The following CCDC172 variants were observed in gnomAD, a reference collection of about 807,000 sequenced individuals.
CCDC172 encodes the protein coiled-coil domain-containing protein 172.
Under a neutral mutation model 38.0 loss-of-function variants are expected in CCDC172, and 30 were observed. The ratio of observed to expected loss-of-function variants is 0.79; its 90% CI spans 0.59 to 1.07. The LOEUF (loss-of-function observed/expected upper bound fraction) is 1.07. Ranked by LOEUF, CCDC172 falls within the 50% of genes least tolerant of loss-of-function variation. The pLI is 0.00. For missense variants in CCDC172, 297 were observed against 290.1 expected, an observed-to-expected ratio of 1.02 and a Z score of -0.17; for synonymous variants, 78 against 88.3, an observed-to-expected ratio of 0.88 and a Z score of 0.66.
intron 5 of CCDC172, among the ~76,000 whole-genome samples, chr10:116,344,251 TAGTC>T (rs1042359264): frequency 9.2e-5 from 14 of 152,184 alleles, no homozygotes; most frequent in South Asian, 2.1e-4. Context: ...AATGCATTCT[TAGTC>T]AGTATCATCG....
chr10:116,353,736 T>G (rs1370076927), intron 5 of CCDC172, among the ~76,000 whole-genome samples: 2 of 152,130 alleles, frequency 1.3e-5, no homozygotes, highest in Non-Finnish European at 2.9e-5. Flanking sequence ...AAAAAAATAT[T>G]TTTATACAAA....
At chr10:116,378,610 C>A in intron 8 of CCDC172, 100 bp downstream of exon 8, 1 of 841,630 alleles carries the variant, frequency 1.2e-6, no homozygotes, top group Non-Finnish European at 1.9e-6. Context: ...AGTGTTTAAT[C>A]CCTCTGCAAA....
rs41386650 is a variant in CCDC172, at chr10:116,324,956, A to G, written c.-56A>G. 0.084 allele frequency: 114,748 copies of G among 1,366,844 alleles called. 6,500 individuals are homozygous for G. The highest frequency in any genetic ancestry group is 0.23 in the East Asian group (10,210 of 43,664). The allele number at this position is 1,366,844 out of a possible 1,614,324, so 84.7% of individuals were successfully genotyped here. A position where few individuals can be genotyped will look rare whatever the true frequency, so the allele number is the denominator to read the frequency against. ...TTATTCTGCTTTCCAGGATCCTCAG[A>G]GTTGGTTATAAAATATTTAAGGGCG... On this transcript the variant is annotated 5_prime_UTR_variant, in exon 2 of 9. Coordinates refer to ENST00000333254, the MANE Select transcript of CCDC172 (RefSeq NM_198515.3).
chr10:116,325,400 T>G lies in CCDC172; in HGVS notation c.165+12T>G, dbSNP rs1421102579. On this transcript the variant is annotated intron_variant, in intron 3 of 8. Transcript: ENST00000333254. ...AGCTGGAATCTAAGGTATTGAAATG[T>G]AAAGCATACTAATTATCACTTGAAA... The G allele has an allele frequency of 6.3e-7, 1 of 1,596,334 alleles. No individual in the cohort carries two copies. Among genetic ancestry groups the G allele is most frequent in the South Asian group, 1.1e-5 (1 of 89,728 alleles).
chr10:116,372,953 A>G (rs1382710241), intron 7 of CCDC172, among the ~76,000 whole-genome samples: 3 of 152,226 alleles, frequency 2.0e-5, no homozygotes, highest in Non-Finnish European at 2.9e-5. Flanking sequence ...ATGGAGGCAA[A>G]TACAGATATT....
chr10:116,325,075 C>T lies in CCDC172; in HGVS notation c.64C>T (p.Arg22Cys). Reference protein sequence around the residue: ...FTEHQAEESRRLMREVRSEIT... With the variant: ...FTEHQAEESRCLMREVRSEIT... Reference sequence around the variant, plus strand: ...CGAGCATCAGGCGGAGGAGAGTCGCCGTTTGATGCGAGAAGGTCGGGGTAT... The same window carrying T: ...CGAGCATCAGGCGGAGGAGAGTCGCTGTTTGATGCGAGAAGGTCGGGGTAT... Residue 22 changes from arginine to cysteine, a missense_variant, in exon 2 of 9, where the codon CGT becomes TGT. Arg to Cys is a radical substitution (Grantham distance 180). Coordinates refer to ENST00000333254, the MANE Select transcript of CCDC172 (RefSeq NM_198515.3). 6.2e-7 allele frequency: 1 copy of T among 1,613,930 alleles called. No homozygotes were observed. Among genetic ancestry groups the T allele is most frequent in the Non-Finnish European group, 8.5e-7 (1 of 1,179,992 alleles).
intron 5 of CCDC172, among the ~76,000 whole-genome samples, chr10:116,352,376 C>G (rs769413064): frequency 9.2e-5 from 14 of 151,994 alleles, no homozygotes; most frequent in Non-Finnish European, 1.9e-4. Flanking sequence ...AATTACAACT[C>G]AGAGCAAGGA....
At chr10:116,376,435 T>C (rs1845246310) in intron 7 of CCDC172, among the ~76,000 whole-genome samples, 1 of 152,196 alleles carries the variant, frequency 6.6e-6, no homozygotes, top group Admixed American at 6.6e-5. Flanking sequence ...CTTCTACCTC[T>C]TCAGCCACAG....
At chr10:116,374,889 C>T (rs758934430) in intron 7 of CCDC172, among the ~76,000 whole-genome samples, 17 of 144,602 alleles carry the variant, frequency 1.2e-4, no homozygotes, top group African/African-American at 3.4e-4. Context: ...GATGTAGATA[C>T]GTTAAAAAAA....
rs779649653 is a variant in CCDC172 at position 116,378,411 on chromosome 10, CT to C, written c.654-8del. On this transcript the variant is annotated splice_polypyrimidine_tract_variant and intron_variant, in intron 7 of 8. Transcript: ENST00000333254. Reference sequence around the variant, plus strand: ...TTATTAAACTAACAGGTGAAATTTTCTTTTAAAATAGACTTAAAAAAGAATT... The same window carrying C: ...TTATTAAACTAACAGGTGAAATTTTCTTTAAAATAGACTTAAAAAAGAATT... 6 of 1,578,426 alleles carry C rather than the reference CT, an allele frequency of 3.8e-6. No individual in the cohort carries two copies. In the South Asian group the frequency reaches 4.7e-5, roughly 12 times the overall value.
chr10:116,357,428 A>G lies in CCDC172; in HGVS notation c.497A>G (p.Lys166Arg). ...AGTAGCCAGTTAAATGAACTTCAAA[A>G]ACAAAAGAGTGAATTGATACAAGAA... Reference protein sequence around the residue: ...HDSSQLNELQKQKSELIQELF... With the variant: ...HDSSQLNELQRQKSELIQELF... The change falls in exon 6 of 9, where the codon AAA becomes AGA. Residue 166 changes from lysine to arginine, a missense_variant. Transcript: ENST00000333254. 6.3e-7 allele frequency: 1 copy of G among 1,585,638 alleles called. No homozygotes were observed. The highest frequency in any genetic ancestry group is 8.6e-7 in the Non-Finnish European group (1 of 1,168,552).
chr10:116,353,105 A>G (rs1218175532), intron 5 of CCDC172, among the ~76,000 whole-genome samples: 1 of 152,056 alleles, frequency 6.6e-6, no homozygotes, highest in African/African-American at 2.4e-5. Context: ...AGGCAGGAGA[A>G]TGGCATGAAA....
At chr10:116,378,388 A>C in intron 7 of CCDC172, 35 bp from the exon 8 acceptor site, 1 of 1,554,626 alleles carries the variant, frequency 6.4e-7, no homozygotes, top group Non-Finnish European at 8.7e-7. Flanking sequence ...ACAGTTTATT[A>C]TTAAACTAAC....
At chr10:116,374,494 A>C (rs1371584237) in intron 7 of CCDC172, among the ~76,000 whole-genome samples, 4 of 151,910 alleles carry the variant, frequency 2.6e-5, no homozygotes, top group African/African-American at 9.7e-5. Context: ...TCATAGGTAT[A>C]TATATATATA....
At chr10:116,343,940 AT>A (rs370777290) in intron 5 of CCDC172, among the ~76,000 whole-genome samples, 231 of 152,156 alleles carry the variant, frequency 1.5e-3, no homozygotes, top group African/African-American at 5.4e-3. Context: ...AGAATATTGG[AT>A]TTTTTTCTTT....
At chr10:116,366,254 T>C (rs1317569872) in intron 7 of CCDC172, among the ~76,000 whole-genome samples, 2 of 152,172 alleles carry the variant, frequency 1.3e-5, no homozygotes, top group Non-Finnish European at 2.9e-5. Context: ...GCATTAGCTA[T>C]GGCTTCTCTT....
chr10:116,369,606 C>A (rs573808074), intron 7 of CCDC172, among the ~76,000 whole-genome samples: 1 of 152,028 alleles, frequency 6.6e-6, no homozygotes, highest in Admixed American at 6.5e-5. Flanking sequence ...ACAGTTTATG[C>A]AACCAGTCTC....
chr10:116,342,168 G>A lies in CCDC172; in HGVS notation c.415G>A (p.Asp139Asn). The change falls in exon 5 of 9, where the codon GAC becomes AAC. Residue 139 changes from aspartate (D) to asparagine (N), a missense_variant. Transcript: ENST00000333254. ...MKENVKIEIS[D>N]LENQANMLKS... ...AGAAAATGTCAAGATTGAAATATCT[G>A]ACTTAGAAAACCAAGCAAACATGTT... is the stretch of plus-strand genomic sequence containing the variant. The A allele has an allele frequency of 6.5e-7, 1 of 1,538,472 alleles. No homozygotes were observed. The highest frequency in any genetic ancestry group is 8.7e-7 in the Non-Finnish European group (1 of 1,153,588).
chr10:116,351,148 T>C (rs577472639), intron 5 of CCDC172, among the ~76,000 whole-genome samples: 17 of 152,292 alleles, frequency 1.1e-4, no homozygotes, highest in African/African-American at 4.1e-4. Context: ...TTGCCTAAGT[T>C]TTACAAAGAT....
Sources: allele counts gnomAD v4.1 joint callset (sites outside exome capture counted in the v4.1 genomes callset), GRCh38; gene constraint gnomAD v4.1.1; transcripts MANE v1.5; gene names NCBI Gene and HGNC (gene_info 2026-07-23, HGNC 2026-07-21).